ANKRD11: variants seen among roughly 807,000 people sequenced by gnomAD.
ANKRD11 encodes ankyrin repeat domain-containing protein 11.
In ANKRD11, 17 loss-of-function variants were observed where a neutral mutation model predicts 195.7. That is an observed-to-expected ratio of 0.09 (90% CI 0.06 to 0.13). The LOEUF is 0.13. Among genes scored for constraint, ANKRD11 ranks in the 10% least tolerant of loss-of-function variants. The pLI is 1.00. For missense variants in ANKRD11, 3,735 were observed against 3,566.1 expected, an observed-to-expected ratio of 1.05 and a Z score of -1.21; for synonymous variants, 1,953 against 1,528.1, an observed-to-expected ratio of 1.28 and a Z score of -6.49.
chr16:89,272,979 C>T (rs1474721994), intron 11 of ANKRD11: 2 of 139,984 alleles, frequency 1.4e-5, no homozygotes, highest in African/African-American at 5.4e-5. Flanking sequence ...AGTAGAACGA[C>T]GGTTACCAGA....
In ANKRD11 at chr16:89,283,856, C is replaced by T; in HGVS notation, c.2686G>A (p.Glu896Lys). The change falls in exon 9 of 13, where the codon GAG (glutamate) becomes AAG (lysine). Residue 896 changes from glutamate to lysine, a missense_variant. Coordinates refer to ENST00000301030, the MANE Select transcript of ANKRD11 (RefSeq NM_013275.6). The surrounding 1 kb of genome is among the most constrained non-coding windows in gnomAD (Gnocchi z 4.3). The part of the protein sequence containing the change: ...KERRRDSRAR[E>K]KRDYREPFFR... ...AAGGGCTCTCTGTAGTCTCGCTTCT[C>T]CCGGGCCCGGCTGTCCCGCCTCCTC... 6.2e-7 allele frequency: 1 copy of T among 1,614,146 alleles called. No homozygotes were observed. Among genetic ancestry groups the T allele is most frequent in the Non-Finnish European group, 8.5e-7 (1 of 1,180,036 alleles).
chr16:89,360,044 T>A (rs1427427279), intron 2 of ANKRD11, among the ~76,000 whole-genome samples: 1 of 152,112 alleles, frequency 6.6e-6, no homozygotes, highest in Non-Finnish European at 1.5e-5. Flanking sequence ...TTTCTGCTCC[T>A]CTCCCTCCTC....
rs777507493 is a variant in ANKRD11 at position 89,285,477 on chromosome 16, C to T, written c.1065G>A (p.Gln355=). Residue 355 remains glutamine (Q), a synonymous_variant, in exon 9 of 13, where the codon CAG becomes CAA. Transcript: ENST00000301030. The surrounding 1 kb of genome is among the most constrained non-coding windows in gnomAD (Gnocchi z 5.6). ...TGTCGTCCACCGGAGGAACCCTGTC[C>T]TGCTCGTCGTCCTCATCAAACTCAT... The part of the protein sequence containing the change: ...DEYEFDEDDE[Q]DRVPPVDDKH... 32 of 1,614,100 alleles carry T rather than the reference C, an allele frequency of 2.0e-5. No homozygotes were observed. Among genetic ancestry groups the T allele is most frequent in the Non-Finnish European group, 2.6e-5 (31 of 1,180,050 alleles).
rs773890341 is a variant in ANKRD11 at position 89,279,056 on chromosome 16, C to T, written c.7470+16G>A. The T allele has an allele frequency of 1.2e-6, 2 of 1,613,258 alleles. No individual in the cohort carries two copies. The highest frequency in any genetic ancestry group is 8.5e-7 in the Non-Finnish European group (1 of 1,179,682). ...CAGAGAGAGAAGGCAGTGGCTCTCC[C>T]GGGCCCCGCACTCACCACGGGGATG... On this transcript the variant is annotated intron_variant, in intron 9 of 12. Transcript: ENST00000301030. This position sits in a 1 kb window ranked among gnomAD's most constrained non-coding sequence, Gnocchi z 5.6.
intron 1 of ANKRD11, among the ~76,000 whole-genome samples, chr16:89,426,711 A>G (rs1385953183): frequency 6.6e-6 from 1 of 152,194 alleles, no homozygotes; most frequent in African/African-American, 2.4e-5. Flanking sequence ...GCAAAACTCA[A>G]AAGGAAACAT....
chr16:89,278,539 G>A (rs1416298363), intron 9 of ANKRD11: 2 of 456,790 alleles, frequency 4.4e-6, no homozygotes, highest in East Asian at 6.9e-5. Context: ...GGGTCAGGTG[G>A]AACAAGGTGA....
At position 89,328,910 on chromosome 16, in the gene ANKRD11, CAG is replaced by C. The variant is rs2037895314; in HGVS notation, c.-59-11834_-59-11833del. 1.6e-5 allele frequency: 2 copies of C among 121,346 alleles called. 1 individual carries two copies. Among genetic ancestry groups the C allele is most frequent in the African/African-American group, 6.8e-5 (2 of 29,440 alleles). 7.5% of individuals were successfully genotyped at this position (121,346 alleles called of 1,614,324 possible). ...ACATACCCAGGAGCACGGGCGAAAT[CAG>C]TGGAGGCCCCTGCTGAGTGAGTGGA... On this transcript the variant is annotated intron_variant, in intron 2 of 12. Transcript: ENST00000301030.
chr16:89,413,583 C>A (rs2042180597), intron 2 of ANKRD11, among the ~76,000 whole-genome samples: 1 of 152,236 alleles, frequency 6.6e-6, no homozygotes, highest in African/African-American at 2.4e-5. Flanking sequence ...CGAGGTCGCA[C>A]CACTGCACTC....
intron 1 of ANKRD11, among the ~76,000 whole-genome samples, chr16:89,472,529 G>C (rs2057121613): frequency 6.6e-6 from 1 of 152,144 alleles, no homozygotes; most frequent in Non-Finnish European, 1.5e-5. Flanking sequence ...CCCATTTATT[G>C]ATTTATTTGA....
intron 2 of ANKRD11, among the ~76,000 whole-genome samples, chr16:89,404,524 G>A (rs1026316229): frequency 6.6e-6 from 1 of 152,182 alleles, no homozygotes; most frequent in African/African-American, 2.4e-5. Context: ...CAGTTTGAAG[G>A]GTATGGGGTA....
intron 1 of ANKRD11, among the ~76,000 whole-genome samples, chr16:89,479,411 T>C (rs555998979): frequency 1.4e-5 from 2 of 146,196 alleles, no homozygotes; most frequent in Non-Finnish European, 3.0e-5. Context: ...GGCAGGCGGA[T>C]CATCTGAGGT....
chr16:89,286,908 C>A (rs998058580), intron 7 of ANKRD11: 1 of 1,289,536 alleles, frequency 7.8e-7, no homozygotes, highest in South Asian at 1.2e-5. Context: ...TTCAAAGAAT[C>A]TGTCATAACG....
chr16:89,310,926 G>A (rs1047689247), intron 3 of ANKRD11, among the ~76,000 whole-genome samples: 3 of 152,150 alleles, frequency 2.0e-5, no homozygotes, highest in Non-Finnish European at 1.5e-5. Context: ...TCTGCAGGAC[G>A]ATGCTGACTG....
chr16:89,333,897 G>C (rs940543762), intron 2 of ANKRD11, among the ~76,000 whole-genome samples: 1 of 152,150 alleles, frequency 6.6e-6, no homozygotes, highest in Non-Finnish European at 1.5e-5. Context: ...CGTGTGTTGT[G>C]AACAGAGAGA....
intron 2 of ANKRD11, among the ~76,000 whole-genome samples, chr16:89,387,543 G>A (rs1392803925): frequency 1.3e-5 from 2 of 151,784 alleles, no homozygotes; most frequent in Non-Finnish European, 2.9e-5. Flanking sequence ...CGTGGTGGCG[G>A]GCGCCTGTAC....
intron 2 of ANKRD11, among the ~76,000 whole-genome samples, chr16:89,379,397 C>T (rs1239485295): frequency 1.3e-5 from 2 of 152,188 alleles, no homozygotes; most frequent in African/African-American, 2.4e-5. Context: ...GAAAGCTGAC[C>T]ATGGGGAACA....
intron 2 of ANKRD11, among the ~76,000 whole-genome samples, chr16:89,354,475 A>T (rs1264470387): frequency 6.6e-6 from 1 of 152,218 alleles, no homozygotes; most frequent in African/African-American, 2.4e-5. Context: ...GCACCAGTGG[A>T]AATGTCACAG....
In ANKRD11 at chr16:89,281,557, G is replaced by A. The variant is rs1379818944; in HGVS notation, c.4985C>T (p.Pro1662Leu). 17 of 1,614,094 alleles carry A rather than the reference G, an allele frequency of 1.1e-5. No individual in the cohort carries two copies. The highest frequency in any genetic ancestry group is 1.7e-5 in the Admixed American group (1 of 60,012). The stretch of plus-strand genomic sequence containing the variant: ...TGGGTGTAGCTTATTTTCCGCGGCA[G>A]GTGGAATAGGAGTCGACTCTTTGAG... ...KKLKESTPIP[P>L]AAENKLHPAS... Residue 1662 changes from proline to leucine, a missense_variant, in exon 9 of 13, where the codon CCT (proline) becomes CTT (leucine). Transcript: ENST00000301030. The surrounding 1 kb of genome is among the most constrained non-coding windows in gnomAD (Gnocchi z 5.5).
chr16:89,308,585 G>A (rs546287193), intron 3 of ANKRD11, among the ~76,000 whole-genome samples: 3 of 152,226 alleles, frequency 2.0e-5, no homozygotes, highest in Non-Finnish European at 4.4e-5. Context: ...CAGGACAGTT[G>A]GGAGAAGACA....
Sources: allele counts gnomAD v4.1 joint callset (sites outside exome capture counted in the v4.1 genomes callset), GRCh38; gene constraint gnomAD v4.1.1; non-coding constraint Gnocchi (gnomAD v3.1); transcripts MANE v1.5; gene names NCBI Gene and HGNC (gene_info 2026-07-23, HGNC 2026-07-21).